Variants in GMDS observed in about 807,000 individuals in gnomAD.
GMDS encodes GDP-mannose 4,6-dehydratase.
In GMDS, 20 loss-of-function variants were observed where a neutral mutation model predicts 49.9. The observed-to-expected ratio is 0.40, with a 90% CI of 0.28 to 0.58. GMDS has a LOEUF of 0.58. Ranked by LOEUF, GMDS falls within the 20% of genes least tolerant of loss-of-function variation. The pLI is 0.42. For synonymous variants in GMDS, 177 were observed against 178.6 expected, an observed-to-expected ratio of 0.99 and a Z score of 0.07; for missense variants, 362 against 481.4, an observed-to-expected ratio of 0.75 and a Z score of 2.32.
chr6:2,090,808 C>G (rs1005666284), intron 4 of GMDS, among the ~76,000 whole-genome samples: 1 of 152,090 alleles, frequency 6.6e-6, no homozygotes, highest in South Asian at 2.1e-4. Context: ...GCTGAAGTTT[C>G]GAGTCTCATC....
At position 1,794,070 on chromosome 6, in the gene GMDS, G is replaced by A. The variant is rs142633185; in HGVS notation, c.772-51484C>T. On this transcript the variant is annotated intron_variant, in intron 7 of 10. Coordinates refer to ENST00000380815, the MANE Select transcript of GMDS (RefSeq NM_001500.4). ...CAGTGAATGATTATCCCAGGAGGAT[G>A]AGAAAAAAGAAACAACAAAATATAA... Among the ~76,000 whole-genome samples the A allele has an allele frequency of 2.2e-3, 336 of 152,276 alleles. 3 individuals are homozygous for A. The highest frequency in any genetic ancestry group is 7.6e-3 in the African/African-American group (316 of 41,550).
chr6:1,796,118 G>A (rs1228246238), intron 7 of GMDS, among the ~76,000 whole-genome samples: 5 of 152,170 alleles, frequency 3.3e-5, no homozygotes, highest in Non-Finnish European at 5.9e-5. Flanking sequence ...CACAGGACCT[G>A]GAGGGCTCTG....
chr6:2,086,817 C>A (rs1773042887), intron 4 of GMDS, among the ~76,000 whole-genome samples: 1 of 152,152 alleles, frequency 6.6e-6, no homozygotes. Context: ...GAAGAATGTT[C>A]AGGCCGACTA....
intron 4 of GMDS, among the ~76,000 whole-genome samples, chr6:1,980,754 G>A (rs769569460): frequency 2.0e-5 from 3 of 151,946 alleles, no homozygotes. Context: ...TCATAGCCAC[G>A]TGAGACTTAC....
rs575125524 is a variant in GMDS, at chr6:2,001,694, CA to C, written c.346-40729del. ...CTGTACTGGCATAAGAATAGATGCA[CA>C]AATCAATGGACTAGAAACATGAGTC... is the stretch of plus-strand genomic sequence containing the variant. On this transcript the variant is annotated intron_variant, in intron 4 of 10. Transcript: ENST00000380815. Among the ~76,000 whole-genome samples, 186 of 152,170 alleles carry C rather than the reference CA, an allele frequency of 1.2e-3. 2 individuals are homozygous for C. Among genetic ancestry groups the C allele is most frequent in the African/African-American group, 4.4e-3 (181 of 41,528 alleles).
At chr6:1,652,549 ATATATTATATATAT>A (rs1186635633) in intron 9 of GMDS, among the ~76,000 whole-genome samples, 1 of 5,818 alleles carries the variant, frequency 1.7e-4, no homozygotes, top group African/African-American at 3.4e-4. Flanking sequence ...TTTATATATA[ATATATTATATATAT>A]TATATATAAT....
intron 9 of GMDS, among the ~76,000 whole-genome samples, chr6:1,719,886 C>T (rs1027559888): frequency 3.3e-5 from 5 of 152,112 alleles, no homozygotes; most frequent in East Asian, 1.9e-4. Flanking sequence ...ATTTTGTAGA[C>T]GTCAATAAGT....
At chr6:1,810,750 C>A (rs1770385670) in intron 7 of GMDS, among the ~76,000 whole-genome samples, 1 of 152,158 alleles carries the variant, frequency 6.6e-6, no homozygotes, top group Non-Finnish European at 1.5e-5. Flanking sequence ...ACCTTGCAGA[C>A]AAGCAGGCCA....
chr6:2,037,491 G>A (rs1038130220), intron 4 of GMDS, among the ~76,000 whole-genome samples: 3 of 152,180 alleles, frequency 2.0e-5, no homozygotes, highest in African/African-American at 7.2e-5. Flanking sequence ...CACAATGGGG[G>A]AGGGAGTAGC....
intron 1 of GMDS, among the ~76,000 whole-genome samples, chr6:2,194,453 T>G (rs970088606): frequency 7.9e-5 from 12 of 152,200 alleles, no homozygotes; most frequent in Non-Finnish European, 1.5e-4. Context: ...ATATAGTTGT[T>G]TAAACCCAAT....
Position 1,766,751 on chromosome 6 carries a change from C to T in GMDS, c.772-24165G>A, listed in dbSNP as rs534224371. 4.0e-4 allele frequency among the ~76,000 whole-genome samples: 61 copies of T among 152,314 alleles called. No homozygotes were observed. Among genetic ancestry groups the T allele is most frequent in the African/African-American group, 1.4e-3 (57 of 41,552 alleles). Reference sequence around the variant, plus strand: ...GATCTGCTTACACGGAGGAGCTGCACATCGAACATGCTAAAAACTGCGTTA... The same window carrying T: ...GATCTGCTTACACGGAGGAGCTGCATATCGAACATGCTAAAAACTGCGTTA... On this transcript the variant is annotated intron_variant, in intron 7 of 10. Transcript: ENST00000380815. The surrounding 1 kb of genome is among the most constrained non-coding windows in gnomAD (Gnocchi z 4.5).
At chr6:2,228,429 T>C (rs1361086352) in intron 1 of GMDS, among the ~76,000 whole-genome samples, 1 of 152,218 alleles carries the variant, frequency 6.6e-6, no homozygotes, top group Non-Finnish European at 1.5e-5. Context: ...AGCCCGTTTT[T>C]TAAACAGGTA....
At chr6:1,713,360 A>G (rs1766046976) in intron 9 of GMDS, among the ~76,000 whole-genome samples, 1 of 152,212 alleles carries the variant, frequency 6.6e-6, no homozygotes, top group African/African-American at 2.4e-5. Flanking sequence ...ACATGTGACG[A>G]CTAGGCACAG....
At chr6:2,242,814 T>C (rs1412534805) in intron 1 of GMDS, among the ~76,000 whole-genome samples, 1 of 152,192 alleles carries the variant, frequency 6.6e-6, no homozygotes, top group Non-Finnish European at 1.5e-5. Context: ...TAGGTAGGGA[T>C]ATACAAAATG....
At chr6:1,737,673 TATACATACACAC>T (rs1027822314) in intron 8 of GMDS, among the ~76,000 whole-genome samples, 4 of 118,578 alleles carry the variant, frequency 3.4e-5, no homozygotes, top group East Asian at 5.4e-4. Context: ...CACACACAGA[TATACATACACAC>T]ATACATACAC....
chr6:2,125,714 G>C (rs1275577635), intron 1 of GMDS, among the ~76,000 whole-genome samples: 7 of 152,164 alleles, frequency 4.6e-5, no homozygotes, highest in African/African-American at 1.7e-4. Context: ...AGAAGGCCAG[G>C]GGGATGTGGA....
At chr6:1,814,261 C>A (rs1412521251) in intron 7 of GMDS, among the ~76,000 whole-genome samples, 1 of 152,168 alleles carries the variant, frequency 6.6e-6, no homozygotes, top group Non-Finnish European at 1.5e-5. Flanking sequence ...GAGACAGGCA[C>A]CTTCTCCACT....
At chr6:2,087,676 C>A (rs372899064) in intron 4 of GMDS, among the ~76,000 whole-genome samples, 1 of 152,134 alleles carries the variant, frequency 6.6e-6, no homozygotes, top group African/African-American at 2.4e-5. Flanking sequence ...CTTAGCCACA[C>A]GCAATTTTAG....
chr6:2,221,447 C>G (rs1780583715), intron 1 of GMDS, among the ~76,000 whole-genome samples: 1 of 152,008 alleles, frequency 6.6e-6, no homozygotes, highest in Non-Finnish European at 1.5e-5. Flanking sequence ...GTGGCGCAAT[C>G]TCGGCTCACT....
Sources: allele counts gnomAD v4.1 joint callset (sites outside exome capture counted in the v4.1 genomes callset), GRCh38; gene constraint gnomAD v4.1.1; non-coding constraint Gnocchi (gnomAD v3.1); transcripts MANE v1.5; gene names NCBI Gene and HGNC (gene_info 2026-07-23, HGNC 2026-07-21).